The following SCMH1 variants were observed in gnomAD, a reference collection of about 807,000 sequenced individuals.
SCMH1 encodes the protein polycomb protein SCMH1.
Under a neutral mutation model 70.8 loss-of-function variants are expected in SCMH1, and 37 were observed. The ratio of observed to expected loss-of-function variants is 0.52; its 90% confidence interval spans 0.40 to 0.69. The LOEUF (loss-of-function observed/expected upper bound fraction) is 0.69, where lower values mean the gene tolerates loss of function less well. Among genes scored for constraint, SCMH1 ranks in the 30% least tolerant of loss-of-function variants. The pLI is 0.00. For missense variants in SCMH1, 607 were observed against 827.3 expected (o/e 0.73, Z 3.27); for synonymous variants, 292 against 307.4 (o/e 0.95, Z 0.52).
At chr1:41,220,948 T>C (rs1573184790) in intron 1 of SCMH1, among the ~76,000 whole-genome samples, 1 of 152,184 alleles carries the variant, frequency 6.6e-6, no homozygotes, top group East Asian at 1.9e-4. Flanking sequence ...TCCTTTATCC[T>C]GGATTAATTA....
chr1:41,091,105 T>G (rs1274685395), intron 8 of SCMH1, among the ~76,000 whole-genome samples: 1 of 150,908 alleles, frequency 6.6e-6, no homozygotes, highest in East Asian at 1.9e-4. Flanking sequence ...TAGACCAATA[T>G]CCCTGATGAA....
intron 1 of SCMH1, among the ~76,000 whole-genome samples, chr1:41,186,692 G>A (rs1325334621): frequency 2.0e-5 from 3 of 152,150 alleles, no homozygotes; most frequent in Admixed American, 2.0e-4. Context: ...TCATACAGGT[G>A]AGACCCTAAT....
chr1:41,053,864 A>G (rs953990663), intron 10 of SCMH1, among the ~76,000 whole-genome samples: 4 of 151,204 alleles, frequency 2.6e-5, no homozygotes, highest in African/African-American at 9.7e-5. Context: ...TTTGTTTTTG[A>G]GACAGAGTCT....
intron 9 of SCMH1, among the ~76,000 whole-genome samples, chr1:41,074,150 G>A (rs1657464508): frequency 6.7e-6 from 1 of 150,068 alleles, no homozygotes; most frequent in Non-Finnish European, 1.5e-5. Flanking sequence ...CTAAGAGGTA[G>A]TACTTTCAGT....
At chr1:41,092,187 G>A (rs145457459) in intron 8 of SCMH1, among the ~76,000 whole-genome samples, 20,076 of 152,128 alleles carry the variant, frequency 0.13, 1,744 homozygotes, top group Middle Eastern at 0.27. Context: ...ATAGACCAAT[G>A]GAACAGAATA....
In SCMH1 at chr1:41,113,361, G is replaced by A. The variant is rs776711218; in HGVS notation, c.667C>T (p.Arg223Cys). The stretch of plus-strand genomic sequence containing the variant: ...GGGAAGATGTCTCGGGAGTCGAAGC[G>A]GCACCAGTAGTCAAAGGCCCCTCGC... Residue 223 changes from arginine to cysteine, a missense_variant, in exon 8 of 15, where the codon CGC becomes TGC. Arg to Cys is a radical substitution (Grantham distance 180). Around this residue, in one of 3 missense-constraint regions of SCMH1, gnomAD observed 105 missense variants for 214.5 expected, o/e 0.49. Coordinates refer to ENST00000337495, the Ensembl canonical transcript of SCMH1. The surrounding 1 kb of genome is among the most constrained non-coding windows in gnomAD (Gnocchi z 4.3). 8 of 1,613,844 alleles carry A rather than the reference G, an allele frequency of 5.0e-6. No homozygotes were observed. The highest frequency in any genetic ancestry group is 1.3e-5 in the African/African-American group (1 of 74,874).
chr1:41,146,023 A>G (rs1572587836), intron 5 of SCMH1, among the ~76,000 whole-genome samples: 1 of 152,200 alleles, frequency 6.6e-6, no homozygotes, highest in Admixed American at 6.5e-5. Flanking sequence ...AGCCTCAGGC[A>G]GCTCCTTTAG....
chr1:41,123,798 G>GT (rs1486841886), intron 6 of SCMH1, among the ~76,000 whole-genome samples: 1 of 152,200 alleles, frequency 6.6e-6, no homozygotes, highest in Non-Finnish European at 1.5e-5. Context: ...CTGCAAAAGA[G>GT]TAATATCCCT....
At chr1:41,030,215 A>AAAAAAC (rs536907342) in intron 13 of SCMH1, among the ~76,000 whole-genome samples, 2 of 152,166 alleles carry the variant, frequency 1.3e-5, no homozygotes, top group Admixed American at 6.5e-5. Flanking sequence ...CCTGTCTCAA[A>AAAAAAC]AAAAACAAAA....
intron 10 of SCMH1, among the ~76,000 whole-genome samples, chr1:41,055,939 A>G (rs1262711722): frequency 1.3e-5 from 2 of 152,194 alleles, no homozygotes; most frequent in African/African-American, 2.4e-5. Flanking sequence ...TGTGAGGGCA[A>G]GAATAAATTT....
At chr1:41,098,986 G>T in intron 8 of SCMH1, 1 of 259,678 alleles carries the variant, frequency 3.9e-6, no homozygotes, top group Non-Finnish European at 7.5e-6. Context: ...AAATCAACAA[G>T]TACCAGATCA....
chr1:41,117,088 G>A (rs11209565), intron 6 of SCMH1, 78 bp from the exon 7 acceptor site: 127,715 of 1,301,756 alleles, frequency 0.098, 6,692 homozygotes, highest in Admixed American at 0.14. Flanking sequence ...AGCCACCCAG[G>A]TGCCGAGGCA....
intron 13 of SCMH1, among the ~76,000 whole-genome samples, chr1:41,032,367 G>A (rs1170976291): frequency 6.6e-6 from 1 of 152,196 alleles, no homozygotes; most frequent in East Asian, 1.9e-4. Flanking sequence ...TGAAATTTGA[G>A]CAAAGACCTT....
At chr1:41,117,104 C>G in intron 6 of SCMH1, 94 bp from the exon 7 acceptor site, 1 of 875,870 alleles carries the variant, frequency 1.1e-6, no homozygotes, top group Non-Finnish European at 1.7e-6. Context: ...AGGCAAGAGA[C>G]CGAGGGCACG....
At chr1:41,159,597 T>A in intron 4 of SCMH1, 6 of 1,041,464 alleles carry the variant, frequency 5.8e-6, no homozygotes, top group Non-Finnish European at 6.5e-6. Context: ...ATTTGAACCT[T>A]GGTTCAAATT....
intron 1 of SCMH1, among the ~76,000 whole-genome samples, chr1:41,201,745 A>C (rs1209745846): frequency 6.6e-6 from 1 of 152,214 alleles, no homozygotes; most frequent in Non-Finnish European, 1.5e-5. Flanking sequence ...AGGGCAAGAA[A>C]TAATCTTTGA....
intron 10 of SCMH1, among the ~76,000 whole-genome samples, chr1:41,070,333 C>T (rs1027692972): frequency 6.6e-6 from 1 of 152,168 alleles, no homozygotes; most frequent in East Asian, 1.9e-4. Context: ...ACACCCCTAA[C>T]TGGGAAGGAA....
intron 2 of SCMH1, among the ~76,000 whole-genome samples, chr1:41,171,149 G>A (rs1176748319): frequency 6.6e-6 from 1 of 152,212 alleles, no homozygotes; most frequent in African/African-American, 2.4e-5. Context: ...GCCAGTAGCA[G>A]AGATCAACAT....
At chr1:41,220,280 G>T (rs894959902) in intron 1 of SCMH1, among the ~76,000 whole-genome samples, 1 of 152,326 alleles carries the variant, frequency 6.6e-6, no homozygotes, top group Non-Finnish European at 1.5e-5. Context: ...TGGGCAGGCA[G>T]CAGTTGAAGG....
Sources: gnomAD v4.1 joint callset for allele counts (sites outside exome capture counted in the v4.1 genomes callset) on GRCh38, gnomAD v4.1.1 for gene constraint, gnomAD v4.1.1 regional missense constraint, Gnocchi (gnomAD v3.1) non-coding constraint, MANE v1.5 for transcripts, NCBI Gene and HGNC (gene_info 2026-07-23, HGNC 2026-07-21) for gene names.